MARCHF1: variants seen among roughly 807,000 people sequenced by gnomAD.
The protein encoded by MARCHF1 is E3 ubiquitin-protein ligase MARCHF1.
Under a neutral mutation model 54.2 loss-of-function variants are expected in MARCHF1, and 40 were observed. That is an observed-to-expected ratio of 0.74 (90% CI 0.57 to 0.96). The LOEUF (loss-of-function observed/expected upper bound fraction) is 0.96, where lower values mean the gene tolerates loss of function less well. MARCHF1 is among the 40% of genes least tolerant of loss of function. MARCHF1 has a pLI of 0.00. For synonymous variants in MARCHF1, 236 were observed against 236.3 expected (o/e 1.00, Z 0.01); for missense variants, 586 against 656.5 (o/e 0.89, Z 1.17).
intron 1 of MARCHF1, among the ~76,000 whole-genome samples, chr4:164,319,448 T>G (rs868802737): frequency 2.0e-5 from 3 of 152,130 alleles, no homozygotes; most frequent in South Asian, 2.1e-4. Context: ...AGCAGAATGT[T>G]GCCTTTACCT....
intron 5 of MARCHF1, among the ~76,000 whole-genome samples, chr4:163,651,709 T>G (rs1742973548): frequency 6.6e-6 from 1 of 151,826 alleles, no homozygotes; most frequent in Admixed American, 6.6e-5. Flanking sequence ...TGTCTTTCCC[T>G]TTACACTATC....
intron 2 of MARCHF1, among the ~76,000 whole-genome samples, chr4:164,100,914 G>T (rs1031167814): frequency 2.0e-5 from 3 of 152,158 alleles, no homozygotes; most frequent in Non-Finnish European, 4.4e-5. Flanking sequence ...CGCACAGTGC[G>T]CGAGCCGAAG....
chr4:163,992,643 T>C (rs1432273838), intron 2 of MARCHF1, among the ~76,000 whole-genome samples: 1 of 151,392 alleles, frequency 6.6e-6, no homozygotes, highest in Non-Finnish European at 1.5e-5. Context: ...TTAGGCCATA[T>C]ATAGTTATTA....
chr4:164,037,422 T>G (rs1754028664), intron 2 of MARCHF1, among the ~76,000 whole-genome samples: 2 of 152,182 alleles, frequency 1.3e-5, no homozygotes, highest in African/African-American at 2.4e-5. Flanking sequence ...AAAAGTGAAC[T>G]GATAAGCAAT....
intron 2 of MARCHF1, among the ~76,000 whole-genome samples, chr4:164,094,949 C>A (rs1346543950): frequency 6.6e-6 from 1 of 152,012 alleles, no homozygotes; most frequent in Non-Finnish European, 1.5e-5. Flanking sequence ...TGTATCATAA[C>A]AATAAAAATA....
At chr4:163,721,815 G>A (rs113994854) in intron 4 of MARCHF1, among the ~76,000 whole-genome samples, 5,797 of 152,178 alleles carry the variant, frequency 0.038, 165 homozygotes, top group South Asian at 0.071. Context: ...GTTTGCTTGC[G>A]TAGAGGTGTT....
chr4:163,969,147 G>A (rs1752500411), intron 3 of MARCHF1, among the ~76,000 whole-genome samples: 1 of 152,136 alleles, frequency 6.6e-6, no homozygotes, highest in South Asian at 2.1e-4. Flanking sequence ...GCATTTCTAT[G>A]AGCAAAATGT....
At chr4:164,373,192 CT>C (rs1415662933) in intron 1 of MARCHF1, among the ~76,000 whole-genome samples, 1 of 152,052 alleles carries the variant, frequency 6.6e-6, no homozygotes, top group East Asian at 1.9e-4. Flanking sequence ...CATTCTAACA[CT>C]AACGTTAAGC....
At chr4:163,861,485 A>C (rs1749931180) in intron 3 of MARCHF1, among the ~76,000 whole-genome samples, 1 of 152,156 alleles carries the variant, frequency 6.6e-6, no homozygotes, top group African/African-American at 2.4e-5. Flanking sequence ...ATAAATTAAT[A>C]CTTTTAACAG....
intron 4 of MARCHF1, among the ~76,000 whole-genome samples, chr4:163,851,850 C>T (rs1749650312): frequency 6.6e-6 from 1 of 152,174 alleles, no homozygotes; most frequent in Non-Finnish European, 1.5e-5. Flanking sequence ...ACAAAGGCAG[C>T]ATCAAAAGAT....
At chr4:163,723,860 G>C (rs574963799) in intron 4 of MARCHF1, among the ~76,000 whole-genome samples, 1 of 152,216 alleles carries the variant, frequency 6.6e-6, no homozygotes, top group Admixed American at 6.5e-5. Flanking sequence ...CTTGTGCCAT[G>C]GTTTTCAGCT....
chr4:163,916,421 T>C (rs1388354937), intron 3 of MARCHF1, among the ~76,000 whole-genome samples: 1 of 152,064 alleles, frequency 6.6e-6, no homozygotes, highest in Non-Finnish European at 1.5e-5. Flanking sequence ...GGTCAGAATC[T>C]GAGAGGAGAC....
chr4:163,894,585 T>TATATATATATGCATGTGATGC (rs1750737235), intron 3 of MARCHF1, among the ~76,000 whole-genome samples: 1 of 60,638 alleles, frequency 1.6e-5, no homozygotes, highest in African/African-American at 3.9e-5. Context: ...ATGTGATGCA[T>TATATATATATGCATGTGATGC]ATATATATAT....
chr4:164,131,253 TAC>T (rs919242167), intron 1 of MARCHF1, among the ~76,000 whole-genome samples: 15 of 151,982 alleles, frequency 9.9e-5, no homozygotes, highest in Non-Finnish European at 1.5e-4. Context: ...TGCCATGGGA[TAC>T]AGTTTCATAA....
intron 1 of MARCHF1, among the ~76,000 whole-genome samples, chr4:164,183,028 T>G (rs1730874594): frequency 6.6e-6 from 1 of 152,062 alleles, no homozygotes; most frequent in African/African-American, 2.4e-5. Context: ...TTAACTTCCC[T>G]CAGCCTAATA....
chr4:164,050,668 C>T (rs1754345093), intron 2 of MARCHF1, among the ~76,000 whole-genome samples: 1 of 149,790 alleles, frequency 6.7e-6, no homozygotes, highest in Admixed American at 6.7e-5. Context: ...TTAAAATCTG[C>T]ATTTTAATAA....
rs184893571 is a variant in MARCHF1 at position 163,651,805 on chromosome 4, T to A, written c.163-38412A>T. 3.3e-5 allele frequency among the ~76,000 whole-genome samples: 5 copies of A among 151,776 alleles called. No individual in the cohort carries two copies. In the East Asian group the frequency reaches 9.7e-4, roughly 29 times the overall value. Reference sequence around the variant, plus strand: ...CACATTCTCCATTTCCACTTTTTTTTTTTTTAAAGTTAGTCCAAGGCATTA... The same window carrying A: ...CACATTCTCCATTTCCACTTTTTTTATTTTTAAAGTTAGTCCAAGGCATTA... On this transcript the variant is annotated intron_variant, in intron 5 of 9. Coordinates refer to ENST00000514618, the MANE Select transcript of MARCHF1 (RefSeq NM_001394959.1).
chr4:163,609,638 C>T (rs1004053287), intron 7 of MARCHF1, among the ~76,000 whole-genome samples: 27 of 147,832 alleles, frequency 1.8e-4, no homozygotes, highest in East Asian at 1.8e-3. Context: ...TATATATATA[C>T]GTATATATAT....
In MARCHF1 at chr4:164,189,058, A is replaced by G; in HGVS notation, c.-322-77396T>C. On this transcript the variant is annotated intron_variant, in intron 1 of 9. Transcript: ENST00000514618. ...CATCCTGTTGTTCCACCTGGGTGGC[A>G]GAACCTTCAATGCGTCTCCTCTCAC... The G allele has an allele frequency of 5.8e-6, 4 of 688,614 alleles. No homozygotes were observed. In the South Asian group the frequency reaches 6.6e-5, roughly 11 times the overall value. The allele number at this position is 688,614 out of a possible 1,614,324, so 42.7% of individuals were successfully genotyped here.
Sources: allele counts gnomAD v4.1 joint callset (sites outside exome capture counted in the v4.1 genomes callset), GRCh38; gene constraint gnomAD v4.1.1; transcripts MANE v1.5; gene names NCBI Gene and HGNC (gene_info 2026-07-23, HGNC 2026-07-21).